COBL: variants seen among roughly 807,000 people sequenced by gnomAD.
The protein encoded by COBL is protein cordon-bleu.
In COBL, 51 loss-of-function variants were observed where a neutral mutation model predicts 98.8. The ratio of observed to expected loss-of-function variants is 0.52; its 90% confidence interval spans 0.41 to 0.65. The LOEUF is 0.65. Among genes scored for constraint, COBL ranks in the 30% least tolerant of loss-of-function variants. COBL has a pLI of 0.00. For synonymous variants in COBL, 634 were observed against 651.7 expected, an observed-to-expected ratio of 0.97 and a Z score of 0.41; for missense variants, 1,617 against 1,617.5, an observed-to-expected ratio of 1.00 and a Z score of 0.01.
At chr7:51,253,418 CCTT>C in intron 1 of COBL, among the ~76,000 whole-genome samples, 1 of 152,260 alleles carries the variant, frequency 6.6e-6, no homozygotes, top group African/African-American at 2.4e-5. Flanking sequence ...CCTTTGAACA[CCTT>C]CTTGCTTTCT....
At chr7:51,078,121 A>G (rs1161904111) in intron 7 of COBL, among the ~76,000 whole-genome samples, 1 of 152,182 alleles carries the variant, frequency 6.6e-6, no homozygotes, top group African/African-American at 2.4e-5. Flanking sequence ...CCTCAGAGAA[A>G]GCTGACCCCA....
intron 7 of COBL, among the ~76,000 whole-genome samples, chr7:51,074,191 A>ATTTTTTTTTTTTTTTTTTTTTTTTTTTT (rs369421469): frequency 4.0e-5 from 4 of 100,496 alleles, no homozygotes; most frequent in Non-Finnish European, 5.5e-5. Context: ...CAAGGTAATG[A>ATTTTTTTTTTTTTTTTTTTTTTTTTTTT]TTTTTTTTTT....
At chr7:51,022,628 T>C (rs1787054345) in intron 12 of COBL, 1 of 152,180 alleles carries the variant, frequency 6.6e-6, no homozygotes, top group Non-Finnish European at 1.5e-5. Flanking sequence ...AAGCCAAAAG[T>C]CCCAATGTTA....
At chr7:51,069,869 C>T (rs1792333547) in intron 7 of COBL, among the ~76,000 whole-genome samples, 1 of 152,154 alleles carries the variant, frequency 6.6e-6, no homozygotes, top group Admixed American at 6.5e-5. Context: ...TATTTTTTCT[C>T]CTCACTTCCT....
chr7:51,027,790 T>C lies in COBL; in HGVS notation c.3306A>G (p.Pro1102=), dbSNP rs1019714565. ...AGTGCAGGGATGTGTCTTTTGGGAC[T>C]GGTCTCTGGACAACAGGTTTGAATT... is the stretch of plus-strand genomic sequence containing the variant. ...KKKFKPVVQR[P]VPKDTSLHSA... The change falls in exon 10 of 13, where the codon CCA becomes CCG. Residue 1102 remains proline, a synonymous_variant. Transcript: ENST00000265136. 2.5e-5 allele frequency: 40 copies of C among 1,614,118 alleles called. No individual in the cohort carries two copies. Among genetic ancestry groups the C allele is most frequent in the Non-Finnish European group, 3.2e-5 (38 of 1,180,052 alleles).
chr7:51,123,356 C>T (rs1374225714), intron 6 of COBL, among the ~76,000 whole-genome samples: 1 of 152,202 alleles, frequency 6.6e-6, no homozygotes. Context: ...AAGTTAACCC[C>T]ATTTACTAAG....
chr7:51,265,539 C>A (rs1482025344), intron 1 of COBL, among the ~76,000 whole-genome samples: 3 of 152,272 alleles, frequency 2.0e-5, no homozygotes, highest in African/African-American at 7.2e-5. Flanking sequence ...TTCAAAGACC[C>A]AAAGCACATG....
At chr7:51,219,681 T>C in intron 2 of COBL, 60 bp downstream of exon 2, 1 of 1,544,520 alleles carries the variant, frequency 6.5e-7, no homozygotes, top group Non-Finnish European at 8.8e-7. Flanking sequence ...CGCCTTTCCA[T>C]TCTCCCCGCT....
chr7:51,274,156 T>A (rs1799063480), intron 1 of COBL, among the ~76,000 whole-genome samples: 1 of 152,184 alleles, frequency 6.6e-6, no homozygotes, highest in African/African-American at 2.4e-5. Flanking sequence ...GTGCATCGCA[T>A]GGGCCGCCTC....
rs946144443 is a variant in COBL, at chr7:51,028,665, G to T, written c.2431C>A (p.Pro811Thr). 1 of 1,612,762 alleles carries T rather than the reference G, an allele frequency of 6.2e-7. No homozygotes were observed. Among genetic ancestry groups the T allele is most frequent in the African/African-American group, 1.3e-5 (1 of 74,866 alleles). The change falls in exon 10 of 13, where the codon CCC (proline) becomes ACC (threonine). Residue 811 changes from proline (P) to threonine (T), a missense_variant. Pro to Thr is a conservative substitution (Grantham distance 38). Around this residue, in one of 3 missense-constraint regions of COBL, gnomAD observed 1,304 missense variants for 1,282.0 expected, o/e 1.02. Transcript: ENST00000265136. Reference protein sequence around the residue: ...QNPESRLQADPKPISPQQKSA... With the variant: ...QNPESRLQADTKPISPQQKSA... ...TTCTGCTGGGGCGATATTGGCTTGG[G>T]GTCTGCTTGGAGTCTGCTCTCTGGA...
At chr7:51,214,664 G>A (rs1389083979) in intron 2 of COBL, among the ~76,000 whole-genome samples, 1 of 152,082 alleles carries the variant, frequency 6.6e-6, no homozygotes, top group Admixed American at 6.5e-5. Flanking sequence ...TGTACCCTGG[G>A]GGCCCCTGAC....
Position 51,130,433 on chromosome 7 carries a change from G to T in COBL, c.957+5725C>A, listed in dbSNP as rs1221498726. Among the ~76,000 whole-genome samples, 9 of 152,316 alleles carry T rather than the reference G, an allele frequency of 5.9e-5. No homozygotes were observed. In the East Asian group the frequency reaches 1.7e-3, roughly 29 times the overall value. On this transcript the variant is annotated intron_variant, in intron 6 of 12. Coordinates refer to ENST00000265136, the MANE Select transcript of COBL (RefSeq NM_015198.5). ...GCCATGTGATAAGAAACAGAAGGCA[G>T]ACTTCACTCCAGGAGAAGGACAGCA...
chr7:51,070,956 A>G (rs909934722), intron 7 of COBL: 1 of 152,240 alleles, frequency 6.6e-6, no homozygotes, highest in Non-Finnish European at 1.5e-5. Flanking sequence ...TTTATAAATC[A>G]CAGCATGCTC....
chr7:51,105,448 TG>T (rs1489108728), intron 6 of COBL, among the ~76,000 whole-genome samples: 2 of 152,068 alleles, frequency 1.3e-5, no homozygotes, highest in Non-Finnish European at 1.5e-5. Context: ...GCAGGGTTGG[TG>T]TAAGAATTAA....
rs186012133 is a variant in COBL at position 51,063,110 on chromosome 7, G to C, written c.1097-19418C>G. On this transcript the variant is annotated intron_variant, in intron 7 of 12. Transcript: ENST00000265136. ...CTCTACATCACTTGTGTGACTGTAT[G>C]AAGTAGAAAATTAAACATTTTCTCT... 4.9e-4 allele frequency among the ~76,000 whole-genome samples: 73 copies of C among 150,306 alleles called. 1 individual carries two copies. The Middle Eastern group carries it at 0.01, about 21-fold the overall frequency.
At chr7:51,276,177 G>A (rs1799292686) in intron 1 of COBL, among the ~76,000 whole-genome samples, 1 of 152,202 alleles carries the variant, frequency 6.6e-6, no homozygotes. Context: ...CACAGATATG[G>A]GCTGGGTGAC....
chr7:51,156,808 T>C (rs923672815), intron 5 of COBL, among the ~76,000 whole-genome samples: 1 of 151,990 alleles, frequency 6.6e-6, no homozygotes, highest in Non-Finnish European at 1.5e-5. Flanking sequence ...GGAACTTTCA[T>C]TTCTTAACCC....
At chr7:51,056,625 T>A (rs1200722664) in intron 7 of COBL, among the ~76,000 whole-genome samples, 4 of 152,332 alleles carry the variant, frequency 2.6e-5, no homozygotes, top group Admixed American at 2.0e-4. Context: ...ATTTAAACTG[T>A]TACCTGGTTC....
At position 51,253,882 on chromosome 7, in the gene COBL, C is replaced by T. The variant is rs187970414; in HGVS notation, c.42-33938G>A. ...TTATCAACTTTAGACAGTTAGATTC[C>T]TTTGTTTCTGTTTTTCAACTTTAAA... is the stretch of plus-strand genomic sequence containing the variant. On this transcript the variant is annotated intron_variant, in intron 1 of 12. Coordinates refer to ENST00000265136, the MANE Select transcript of COBL (RefSeq NM_015198.5). Among the ~76,000 whole-genome samples the T allele has an allele frequency of 7.9e-5, 12 of 152,202 alleles. No homozygotes were observed. The South Asian group carries it at 1.0e-3, about 13-fold the overall frequency.
Sources: gnomAD v4.1 joint callset for allele counts (sites outside exome capture counted in the v4.1 genomes callset) on GRCh38, gnomAD v4.1.1 for gene constraint, gnomAD v4.1.1 regional missense constraint, MANE v1.5 for transcripts, NCBI Gene and HGNC (gene_info 2026-07-23, HGNC 2026-07-21) for gene names.